Variants in PRDM5 observed in about 807,000 individuals in gnomAD.
PRDM5 encodes PR domain zinc finger protein 5.
In PRDM5, 56 loss-of-function variants were observed where a neutral mutation model predicts 81.2. The observed-to-expected ratio is 0.69, with a 90% confidence interval of 0.56 to 0.86. PRDM5 has a LOEUF of 0.86. Ranked by LOEUF, PRDM5 falls within the 40% of genes least tolerant of loss-of-function variation. PRDM5 has a pLI of 0.00. For missense variants in PRDM5, 697 were observed against 770.1 expected (o/e 0.91, Z 1.12); for synonymous variants, 267 against 256.4 (o/e 1.04, Z -0.39).
At chr4:120,876,924 G>A (rs1762383967) in intron 2 of PRDM5, among the ~76,000 whole-genome samples, 1 of 152,004 alleles carries the variant, frequency 6.6e-6, no homozygotes, top group Non-Finnish European at 1.5e-5. Context: ...CAAATCCAGA[G>A]GAATCCTTAA....
intron 8 of PRDM5, among the ~76,000 whole-genome samples, chr4:120,809,498 T>C (rs2149319069): frequency 6.6e-6 from 1 of 152,174 alleles, no homozygotes; most frequent in East Asian, 1.9e-4. Context: ...CTAAATAAAG[T>C]ATATTTTTAT....
At chr4:120,706,877 T>A (rs1052975869) in intron 15 of PRDM5, among the ~76,000 whole-genome samples, 1 of 150,622 alleles carries the variant, frequency 6.6e-6, no homozygotes, top group Admixed American at 6.6e-5. Context: ...AACTGACCCA[T>A]GAAGAAATAG....
Position 120,821,290 on chromosome 4 carries a change from A to G in PRDM5, c.356T>C (p.Leu119Pro). 1.2e-6 allele frequency: 2 copies of G among 1,614,096 alleles called. No individual in the cohort carries two copies. The highest frequency in any genetic ancestry group is 1.7e-6 in the Non-Finnish European group (2 of 1,180,016). Residue 119 changes from leucine (L) to proline (P), a missense_variant, in exon 4 of 16, where the codon CTT becomes CCT. This residue lies in a region of PRDM5 where 577 missense variants were observed against 606.7 expected (regional missense o/e 0.95). Coordinates refer to ENST00000264808, the MANE Select transcript of PRDM5 (RefSeq NM_018699.4). ...AVEDIETDTE[L>P]LIGYLDSDME... ...GTCACTATCCAGGTAGCCAATCAGA[A>G]GCTCCGTGTCTGTTTCTATATCTTC...
At chr4:120,862,333 C>A (rs904173156) in intron 2 of PRDM5, among the ~76,000 whole-genome samples, 1 of 152,144 alleles carries the variant, frequency 6.6e-6, no homozygotes, top group Admixed American at 6.5e-5. Flanking sequence ...TATGAGGAAG[C>A]AGAAAACACA....
At chr4:120,849,806 A>G (rs889898130) in intron 3 of PRDM5, among the ~76,000 whole-genome samples, 5 of 152,168 alleles carry the variant, frequency 3.3e-5, no homozygotes, top group African/African-American at 1.2e-4. Context: ...CAAAATTAGC[A>G]TTTAATAAGA....
chr4:120,749,665 T>C (rs1000398941), intron 14 of PRDM5, among the ~76,000 whole-genome samples: 9 of 152,160 alleles, frequency 5.9e-5, no homozygotes, highest in Admixed American at 1.3e-4. Flanking sequence ...GTCACTCTGC[T>C]TTGACAGGAG....
intron 3 of PRDM5, chr4:120,837,635 T>C (rs1341728830): frequency 6.6e-6 from 1 of 152,178 alleles, no homozygotes; most frequent in Non-Finnish European, 1.5e-5. Flanking sequence ...TTAAATTTGA[T>C]AAAGTAAAAA....
intron 10 of PRDM5, among the ~76,000 whole-genome samples, chr4:120,795,588 CAAA>C (rs199790541): frequency 9.9e-5 from 11 of 111,396 alleles, no homozygotes; most frequent in Non-Finnish European, 1.1e-4. Flanking sequence ...ACTAAATTTT[CAAA>C]AAAAAAAAAA....
chr4:120,904,963 GACTT>G (rs1387086612), intron 2 of PRDM5, among the ~76,000 whole-genome samples: 1 of 152,038 alleles, frequency 6.6e-6, no homozygotes, highest in Non-Finnish European at 1.5e-5. Context: ...ATCATTTTAT[GACTT>G]ACTAAGTTAT....
At chr4:120,828,084 G>C (rs1344561362) in intron 3 of PRDM5, among the ~76,000 whole-genome samples, 1 of 152,056 alleles carries the variant, frequency 6.6e-6, no homozygotes, top group Non-Finnish European at 1.5e-5. Context: ...GAATGGAAAT[G>C]TCCAGTACAC....
At chr4:120,828,629 T>A (rs1756333291) in intron 3 of PRDM5, among the ~76,000 whole-genome samples, 1 of 152,082 alleles carries the variant, frequency 6.6e-6, no homozygotes, top group East Asian at 1.9e-4. Context: ...CCCATATAAT[T>A]TTTTATTCTT....
At chr4:120,868,830 T>TA (rs1761480576) in intron 2 of PRDM5, among the ~76,000 whole-genome samples, 1 of 152,092 alleles carries the variant, frequency 6.6e-6, no homozygotes, top group Admixed American at 6.5e-5. Context: ...CTCTTTGACC[T>TA]AAAAATGAAG....
At chr4:120,908,968 T>C (rs909361242) in intron 1 of PRDM5, among the ~76,000 whole-genome samples, 8 of 152,164 alleles carry the variant, frequency 5.3e-5, no homozygotes, top group Non-Finnish European at 1.0e-4. Flanking sequence ...CTCCTCCAGA[T>C]GGGACCTAAC....
intron 2 of PRDM5, among the ~76,000 whole-genome samples, chr4:120,895,173 G>A (rs761445842): frequency 6.6e-6 from 1 of 152,204 alleles, no homozygotes. Context: ...GCACCCTCCA[G>A]CTTCCAGCAA....
intron 14 of PRDM5, among the ~76,000 whole-genome samples, chr4:120,724,560 T>C (rs1187207621): frequency 6.6e-6 from 1 of 152,200 alleles, no homozygotes; most frequent in Non-Finnish European, 1.5e-5. Context: ...ACTAATTCAA[T>C]TTGGTCACTT....
At chr4:120,848,528 A>G (rs1051975885) in intron 3 of PRDM5, among the ~76,000 whole-genome samples, 2 of 152,178 alleles carry the variant, frequency 1.3e-5, no homozygotes, top group Non-Finnish European at 2.9e-5. Flanking sequence ...TTATATAATA[A>G]TATCTTTCTC....
chr4:120,821,727 A>T (rs921381185), intron 3 of PRDM5, among the ~76,000 whole-genome samples: 1 of 150,510 alleles, frequency 6.6e-6, no homozygotes, highest in Admixed American at 6.7e-5. Context: ...GTTATTATTA[A>T]CACTAACACA....
In PRDM5 at chr4:120,818,543, G is replaced by A. The variant is rs773757539; in HGVS notation, c.476-16C>T. 1.7e-5 allele frequency: 28 copies of A among 1,607,802 alleles called. No homozygotes were observed. Among genetic ancestry groups the A allele is most frequent in the Middle Eastern group, 1.6e-4 (1 of 6,074 alleles). On this transcript the variant is annotated splice_polypyrimidine_tract_variant and intron_variant, in intron 4 of 15. Coordinates refer to ENST00000264808, the MANE Select transcript of PRDM5 (RefSeq NM_018699.4). Reference sequence around the variant, plus strand: ...CCAAGGCGATCTGCACATTCACAAGGAAACATATTCATGAGACAAAAATTC... The same window carrying A: ...CCAAGGCGATCTGCACATTCACAAGAAAACATATTCATGAGACAAAAATTC...
At chr4:120,880,399 C>A (rs1762729851) in intron 2 of PRDM5, among the ~76,000 whole-genome samples, 1 of 152,038 alleles carries the variant, frequency 6.6e-6, no homozygotes, top group South Asian at 2.1e-4. Flanking sequence ...GTCCAACAGA[C>A]ATATAATGTA....
Sources: allele counts gnomAD v4.1 joint callset (sites outside exome capture counted in the v4.1 genomes callset), GRCh38; gene constraint gnomAD v4.1.1; regional missense constraint gnomAD v4.1.1; transcripts MANE v1.5; gene names NCBI Gene and HGNC (gene_info 2026-07-23, HGNC 2026-07-21).